The following MID1 variants were observed in gnomAD, a reference collection of about 807,000 sequenced individuals.
MID1 encodes midline 1.
Under a neutral mutation model 40.4 loss-of-function variants are expected in MID1, and 7 were observed. The observed-to-expected ratio is 0.17, with a 90% confidence interval of 0.10 to 0.33. MID1 has a LOEUF of 0.33. Among genes scored for constraint, MID1 ranks in the 10% least tolerant of loss-of-function variants. The pLI is 1.00. For missense variants in MID1, 367 were observed against 558.5 expected (o/e 0.66, Z 3.46); for synonymous variants, 229 against 221.2 (o/e 1.04, Z -0.31).
At chrX:10,551,487 T>C (rs759743036) in intron 2 of MID1, among the ~76,000 whole-genome samples, 2 of 112,397 alleles carry the variant, frequency 1.8e-5, no homozygotes, top group East Asian at 5.6e-4. Flanking sequence ...TTTGCTTGAC[T>C]ATGTATTTAA....
At chrX:10,626,046 A>G (rs993780006) in intron 1 of MID1, among the ~76,000 whole-genome samples, 1 of 111,304 alleles carries the variant, frequency 9.0e-6, no homozygotes, top group African/African-American at 3.3e-5. Flanking sequence ...ATAGTTACAC[A>G]TAAATATAAG....
intron 1 of MID1, 48 bp from the exon 2 acceptor site, chrX:10,567,651 T>C (rs1421568309): frequency 6.6e-6 from 6 of 905,767 alleles, no homozygotes; most frequent in Non-Finnish European, 9.6e-6. Flanking sequence ...AGGTCAACCA[T>C]AGGGGGGTGT....
In MID1 at chrX:10,449,286, T is replaced by C; in HGVS notation, c.*82A>G. The C allele has an allele frequency of 2.3e-6, 2 of 859,643 alleles. No homozygotes were observed. The highest frequency in any genetic ancestry group is 4.5e-5 in the South Asian group (2 of 44,045). The allele number at this position is 859,643 out of a possible 1,213,427, so 70.8% of individuals were successfully genotyped here. ...TTCTGGTGAGATTTCATTACACTCA[T>C]GAAGCCTGTGCTTTCTCAGTCCCCT... On this transcript the variant is annotated 3_prime_UTR_variant, in exon 10 of 10. Transcript: ENST00000317552.
At position 10,459,673 on chromosome X, in the gene MID1, T is replaced by A; in HGVS notation, c.1420A>T (p.Ser474Cys). ...TTTGTCTTCAACTTCCCAGGCTCAC[T>A]GCTGCGGCTGCCCGCCTGGTTGATG... is the stretch of plus-strand genomic sequence containing the variant. Reference protein sequence around the residue: ...KAINQAGSRSSEPGKLKTNSQ... With the variant: ...KAINQAGSRSCEPGKLKTNSQ... Residue 474 changes from serine to cysteine, a missense_variant, in exon 8 of 10, where the codon AGT becomes TGT. Ser to Cys is a moderately radical substitution (Grantham distance 112, BLOSUM62 -1). This residue lies in a region of MID1 where 275 missense variants were observed against 383.1 expected (regional missense o/e 0.72). Coordinates refer to ENST00000317552, the MANE Select transcript of MID1 (RefSeq NM_000381.4). 8.3e-7 allele frequency: 1 copy of A among 1,211,691 alleles called. No individual in the cohort carries two copies. Among genetic ancestry groups the A allele is most frequent in the East Asian group, 3.0e-5 (1 of 33,823 alleles).
intron 1 of MID1, among the ~76,000 whole-genome samples, chrX:10,795,136 C>T (rs1375930692): frequency 9.0e-6 from 1 of 111,532 alleles, no homozygotes; most frequent in Non-Finnish European, 1.9e-5. Context: ...AGCATCGCAC[C>T]TTCTCCCCCC....
intron 1 of MID1, among the ~76,000 whole-genome samples, chrX:10,693,881 G>A (rs1443839770): frequency 8.9e-6 from 1 of 112,220 alleles, no homozygotes; most frequent in Non-Finnish European, 1.9e-5. Flanking sequence ...ACAGTGAAGT[G>A]AATGAGACCT....
intron 2 of MID1, among the ~76,000 whole-genome samples, chrX:10,553,077 G>T (rs1027492525): frequency 9.1e-6 from 1 of 109,562 alleles, no homozygotes; most frequent in African/African-American, 3.3e-5. Context: ...GCGAAACCCC[G>T]TCTCTACTAA....
intron 1 of MID1, among the ~76,000 whole-genome samples, chrX:10,817,570 T>C (rs866709530): frequency 3.3e-4 from 29 of 88,313 alleles, no homozygotes; most frequent in African/African-American, 1.3e-3. Context: ...CTTTCTTTCT[T>C]TCTCTCTTTC....
At chrX:10,772,915 GA>G (rs2043780000) in intron 1 of MID1, among the ~76,000 whole-genome samples, 1 of 110,530 alleles carries the variant, frequency 9.0e-6, no homozygotes, top group African/African-American at 3.3e-5. Flanking sequence ...TGGAAGGCCA[GA>G]AGGGACATAT....
chrX:10,572,147 CTCTCTT>C (rs1934748152), intron 1 of MID1, among the ~76,000 whole-genome samples: 2 of 101,401 alleles, frequency 2.0e-5, no homozygotes, highest in South Asian at 8.7e-4. Context: ...CCCTTTCTCT[CTCTCTT>C]TCTCTCTCTC....
intron 1 of MID1, among the ~76,000 whole-genome samples, chrX:10,629,138 G>A (rs1989812): frequency 0.17 from 18,549 of 110,846 alleles, 2,636 homozygotes; most frequent in African/African-American, 0.47. Flanking sequence ...AGTCTCTCAT[G>A]TTGCACCTTC....
chrX:10,585,862 C>T (rs938726675), intron 1 of MID1, among the ~76,000 whole-genome samples: 1 of 111,955 alleles, frequency 8.9e-6, no homozygotes, highest in African/African-American at 3.2e-5. Flanking sequence ...GAACCACATC[C>T]TATTTTTAAC....
chrX:10,777,816 C>A (rs1007580901), intron 1 of MID1, among the ~76,000 whole-genome samples: 3 of 111,973 alleles, frequency 2.7e-5, no homozygotes, highest in Non-Finnish European at 5.6e-5. Context: ...TTCTTTTTAA[C>A]TTTTTAAACT....
rs777458466 is a variant in MID1 at position 10,638,155 on chromosome X, A to T, written c.-186-17736T>A. On this transcript the variant is annotated intron_variant, in intron 1 of 10. Coordinates refer to the MID1 transcript ENST00000380785. The stretch of plus-strand genomic sequence containing the variant: ...ATATTCCAACTGAGGTACCAGGTTC[A>T]TCTCATTGGGGCTTGTCAGACAGTG... 3.6e-5 allele frequency among the ~76,000 whole-genome samples: 4 copies of T among 111,744 alleles called. No individual in the cohort carries two copies. In the East Asian group the frequency reaches 1.1e-3, roughly 32 times the overall value.
At chrX:10,470,632 T>G (rs1447473965) in intron 6 of MID1, among the ~76,000 whole-genome samples, 2 of 112,434 alleles carry the variant, frequency 1.8e-5, no homozygotes, top group Admixed American at 9.4e-5. Flanking sequence ...TAGTCAATCA[T>G]ATCTAAAAGG....
At chrX:10,478,470 A>G (rs1489521618) in intron 5 of MID1, among the ~76,000 whole-genome samples, 1 of 112,133 alleles carries the variant, frequency 8.9e-6, no homozygotes, top group Admixed American at 9.5e-5. Flanking sequence ...TTATGGATCC[A>G]TTCATTCATT....
rs1270175279 is a variant in MID1, at chrX:10,557,643, A to G, written c.660+9245T>C. Among the ~76,000 whole-genome samples the G allele has an allele frequency of 1.2e-4, 14 of 112,169 alleles. No individual in the cohort carries two copies. In the Admixed American group the frequency reaches 1.3e-3, roughly 11 times the overall value. ...CCAAGGTTGCTTCTGGCTCTAAAAC[A>G]TTATTTTGGTTTATAGTGGGCATTC... On this transcript the variant is annotated intron_variant, in intron 2 of 9. Coordinates refer to ENST00000317552, the MANE Select transcript of MID1 (RefSeq NM_000381.4).
At chrX:10,635,307 A>T (rs773824519) in intron 1 of MID1, among the ~76,000 whole-genome samples, 1 of 112,073 alleles carries the variant, frequency 8.9e-6, no homozygotes, top group South Asian at 3.7e-4. Context: ...AAGAATCTTT[A>T]CCATTATGAT....
intron 1 of MID1, among the ~76,000 whole-genome samples, chrX:10,727,676 C>T: frequency 9.0e-6 from 1 of 111,237 alleles, no homozygotes; most frequent in Non-Finnish European, 1.9e-5. Context: ...TGCAGATTCC[C>T]AGACTCTAAC....
Sources: gnomAD v4.1 joint callset for allele counts (sites outside exome capture counted in the v4.1 genomes callset) on GRCh38, gnomAD v4.1.1 for gene constraint, gnomAD v4.1.1 regional missense constraint, MANE v1.5 for transcripts, NCBI Gene and HGNC (gene_info 2026-07-23, HGNC 2026-07-21) for gene names.